The following RIC1 variants were observed in gnomAD, a reference collection of about 807,000 sequenced individuals.
The protein encoded by RIC1 is RIC1 partner of RAB6A GEF complex, also known as guanine nucleotide exchange factor subunit RIC1.
In RIC1, 88 loss-of-function variants were observed where a neutral mutation model predicts 169.0. The observed-to-expected ratio is 0.52, with a 90% CI of 0.44 to 0.62. RIC1 has a LOEUF of 0.62. RIC1 is among the 20% of genes least tolerant of loss of function. The probability of loss-of-function intolerance (pLI) is 0.00; values close to 1 mark genes in which losing one functional copy is unlikely to be tolerated. For synonymous variants in RIC1, 790 were observed against 601.5 expected (o/e 1.31, Z -4.59); for missense variants, 1,877 against 1,725.5 (o/e 1.09, Z -1.56).
intron 2 of RIC1, among the ~76,000 whole-genome samples, chr9:5,674,155 T>C (rs1820293859): frequency 6.6e-6 from 1 of 152,244 alleles, no homozygotes; most frequent in African/African-American, 2.4e-5. Flanking sequence ...TACATAAAAA[T>C]TGATAATGAT....
At chr9:5,648,510 A>G (rs1818643861) in intron 1 of RIC1, among the ~76,000 whole-genome samples, 3 of 152,008 alleles carry the variant, frequency 2.0e-5, no homozygotes. Context: ...CCTTTGATGT[A>G]TTTATTTTGT....
At chr9:5,731,413 G>A (rs1452245482) in intron 6 of RIC1, among the ~76,000 whole-genome samples, 1 of 152,116 alleles carries the variant, frequency 6.6e-6, no homozygotes, top group Non-Finnish European at 1.5e-5. Context: ...TTAGATAGTA[G>A]ATTATATAGC....
chr9:5,759,859 A>G (rs1826223538), intron 17 of RIC1, among the ~76,000 whole-genome samples: 2 of 152,216 alleles, frequency 1.3e-5, no homozygotes, highest in Admixed American at 6.5e-5. Context: ...GTGAAAGTTC[A>G]TTATACTATT....
At chr9:5,708,912 AT>A (rs202077775) in intron 3 of RIC1, among the ~76,000 whole-genome samples, 9 of 148,800 alleles carry the variant, frequency 6.0e-5, no homozygotes, top group South Asian at 4.2e-4. Flanking sequence ...AACTGGGTCT[AT>A]TTTTTTTTCA....
At chr9:5,746,134 CAGA>C (rs1212666642) in intron 11 of RIC1, 51 bp downstream of exon 11, 1 of 1,459,620 alleles carries the variant, frequency 6.9e-7, no homozygotes. Flanking sequence ...GTTAGAAGCT[CAGA>C]CCCTTCTTTA....
At chr9:5,764,020 C>T (rs545549567) in intron 19 of RIC1, 152 bp downstream of exon 19, 3 of 870,624 alleles carry the variant, frequency 3.4e-6, no homozygotes, top group East Asian at 2.6e-5. Context: ...CAGACAGATT[C>T]CTTTGAATAT....
intron 2 of RIC1, among the ~76,000 whole-genome samples, chr9:5,680,122 T>C (rs1479756431): frequency 1.3e-5 from 2 of 152,242 alleles, no homozygotes; most frequent in African/African-American, 4.8e-5. Context: ...TCTTTGGCTC[T>C]GTTTATATGC....
intron 2 of RIC1, among the ~76,000 whole-genome samples, chr9:5,678,974 T>G (rs1328475995): frequency 5.3e-5 from 8 of 152,126 alleles, no homozygotes; most frequent in Non-Finnish European, 1.2e-4. Context: ...TTTTATGGTT[T>G]TAGGTCTAAC....
In RIC1 at chr9:5,746,051, A is replaced by C. The variant is rs868750455; in HGVS notation, c.1216A>C (p.Ile406Leu). 1.2e-6 allele frequency: 2 copies of C among 1,613,690 alleles called. No homozygotes were observed. The highest frequency in any genetic ancestry group is 1.3e-5 in the African/African-American group (1 of 75,024). The change falls in exon 11 of 26, where the codon ATT becomes CTT. Residue 406 changes from isoleucine to leucine, a missense_variant. Ile to Leu is a conservative substitution (Grantham distance 5). Coordinates refer to ENST00000414202, the MANE Select transcript of RIC1 (RefSeq NM_020829.4). ...GCCCAGCATCCTGTTATTTCAGTTT[A>C]TTAAGAGTGTACTCACTGTAAACCC... is the stretch of plus-strand genomic sequence containing the variant. ...KQPSILLFQF[I>L]KSVLTVNPCM...
intron 16 of RIC1, 110 bp from the exon 17 acceptor site, chr9:5,757,203 G>A: frequency 7.9e-7 from 1 of 1,258,192 alleles, no homozygotes; most frequent in Non-Finnish European, 1.1e-6. Flanking sequence ...TAGGTAGTAA[G>A]ACATCTGAGT....
intron 3 of RIC1, among the ~76,000 whole-genome samples, chr9:5,695,572 T>C: frequency 1.5e-5 from 1 of 65,368 alleles, no homozygotes; most frequent in Admixed American, 1.6e-4. Flanking sequence ...TTATTATATC[T>C]TTTTTTTTTT....
At chr9:5,712,748 G>A (rs1229385560) in intron 3 of RIC1, 10 of 152,178 alleles carry the variant, frequency 6.6e-5, no homozygotes. Context: ...GTGTTCAGCA[G>A]TTTAAATGTG....
intron 2 of RIC1, among the ~76,000 whole-genome samples, chr9:5,689,590 G>A (rs1478805030): frequency 6.6e-6 from 1 of 152,110 alleles, no homozygotes; most frequent in South Asian, 2.1e-4. Context: ...GCCATAAAGT[G>A]GCATTGTTGC....
At position 5,674,457 on chromosome 9, in the gene RIC1, A is replaced by G. The variant is rs530046327; in HGVS notation, c.253-15502A>G. ...ATATTATATTTATCTTAACATCTCC[A>G]CAAAGTTCTAGAAATAAGACGGTGG... On this transcript the variant is annotated intron_variant, in intron 2 of 25. Coordinates refer to ENST00000414202, the MANE Select transcript of RIC1 (RefSeq NM_020829.4). Among the ~76,000 whole-genome samples, 64 of 152,252 alleles carry G rather than the reference A, an allele frequency of 4.2e-4. 1 individual carries two copies. The highest frequency in any genetic ancestry group is 1.4e-3 in the African/African-American group (59 of 41,548).
At chr9:5,705,351 G>A (rs773275069) in intron 3 of RIC1, among the ~76,000 whole-genome samples, 5 of 151,536 alleles carry the variant, frequency 3.3e-5, no homozygotes, top group Non-Finnish European at 5.9e-5. Flanking sequence ...ATTTATTTAC[G>A]CATACAACTC....
rs530647917 is a variant in RIC1 at position 5,702,513 on chromosome 9, G to C, written c.333-11383G>C. ...CACTTACACACTTTTTTTTTGTTTT[G>C]TTTTGTTTTTGTTTTTGTTTTTGTT... On this transcript the variant is annotated intron_variant, in intron 3 of 25. Coordinates refer to ENST00000414202, the MANE Select transcript of RIC1 (RefSeq NM_020829.4). Among the ~76,000 whole-genome samples, 13 of 150,866 alleles carry C rather than the reference G, an allele frequency of 8.6e-5. No individual in the cohort carries two copies. In the East Asian group the frequency reaches 2.5e-3, roughly 29 times the overall value.
intron 3 of RIC1, among the ~76,000 whole-genome samples, chr9:5,705,965 T>C (rs1822561762): frequency 2.0e-5 from 3 of 152,266 alleles, no homozygotes; most frequent in African/African-American, 7.2e-5. Flanking sequence ...TTTCATGTGT[T>C]GAACCACCAT....
chr9:5,713,947 T>C lies in RIC1; in HGVS notation c.384T>C (p.Ala128=), dbSNP rs1296583532. 1 of 1,613,290 alleles carries C rather than the reference T, an allele frequency of 6.2e-7. No homozygotes were observed. The highest frequency in any genetic ancestry group is 1.1e-5 in the South Asian group (1 of 91,034). ...CCCATTTTAAGGAAGAACAGTGTGC[T>C]CCAGCATTAAATTTGGAGATGAGGA... ...GTPHFKEEQC[A]PALNLEMRKI... is the part of the protein sequence containing the mutation. Residue 128 remains alanine (A), a synonymous_variant, in exon 4 of 26, where the codon GCT becomes GCC. Coordinates refer to ENST00000414202, the MANE Select transcript of RIC1 (RefSeq NM_020829.4).
At chr9:5,697,547 G>A (rs1313632987) in intron 3 of RIC1, among the ~76,000 whole-genome samples, 1 of 151,956 alleles carries the variant, frequency 6.6e-6, no homozygotes, top group Non-Finnish European at 1.5e-5. Flanking sequence ...GCACATCCAA[G>A]ATATCATTAT....
Sources: allele counts gnomAD v4.1 joint callset (sites outside exome capture counted in the v4.1 genomes callset), GRCh38; gene constraint gnomAD v4.1.1; transcripts MANE v1.5; gene names NCBI Gene and HGNC (gene_info 2026-07-23, HGNC 2026-07-21).